The following ITPR2 variants were observed in gnomAD, a reference collection of about 807,000 sequenced individuals.
The protein encoded by ITPR2 is inositol 1,4,5-trisphosphate-gated calcium channel ITPR2.
A neutral mutation model predicts 317.1 loss-of-function variants in ITPR2; 207 were observed. The observed-to-expected ratio is 0.65, with a 90% CI of 0.58 to 0.73. The LOEUF is 0.73. Among genes scored for constraint, ITPR2 ranks in the 30% least tolerant of loss-of-function variants. The probability of loss-of-function intolerance (pLI) is 0.00; values close to 1 mark genes in which losing one functional copy is unlikely to be tolerated. For missense variants in ITPR2, 2,613 were observed against 3,284.0 expected, an observed-to-expected ratio of 0.80 and a Z score of 4.99; for synonymous variants, 1,156 against 1,149.1, an observed-to-expected ratio of 1.01 and a Z score of -0.12.
chr12:26,768,571 T>TAAAAAAAA lies in ITPR2; in HGVS notation c.163+21578_163+21585dup, dbSNP rs879291062. 1.2e-4 allele frequency among the ~76,000 whole-genome samples: 12 copies of TAAAAAAAA among 96,154 alleles called. 1 individual carries two copies. Among genetic ancestry groups the TAAAAAAAA allele is most frequent in the African/African-American group, 6.0e-4 (10 of 16,690 alleles). 63.1% of individuals were successfully genotyped at this position (96,154 alleles called of 152,430 possible). On this transcript the variant is annotated intron_variant, in intron 2 of 56. Transcript: ENST00000381340. ...TCAAATGGATGAATACAAATATATA[T>TAAAAAAAA]AAAAAAAAAAAAAAAAAAAAAAAAA... is the stretch of plus-strand genomic sequence containing the variant.
intron 54 of ITPR2, among the ~76,000 whole-genome samples, chr12:26,391,382 G>T (rs966968711): frequency 2.0e-5 from 3 of 152,058 alleles, no homozygotes; most frequent in Non-Finnish European, 4.4e-5. Flanking sequence ...AAAAGCCAGA[G>T]ATGAAGGTAC....
intron 32 of ITPR2, among the ~76,000 whole-genome samples, chr12:26,584,288 C>A (rs1373883253): frequency 6.6e-6 from 1 of 152,116 alleles, no homozygotes; most frequent in Admixed American, 6.6e-5. Flanking sequence ...AAGCAGCCAT[C>A]AACGTTTCTG....
intron 46 of ITPR2, among the ~76,000 whole-genome samples, chr12:26,440,756 AT>A (rs67063803): frequency 1.4e-5 from 2 of 147,840 alleles, no homozygotes; most frequent in South Asian, 2.2e-4. Context: ...AGTGTCAAAT[AT>A]TTTTAAAAAA....
chr12:26,624,684 T>C (rs1195030612), intron 23 of ITPR2, among the ~76,000 whole-genome samples: 2 of 151,732 alleles, frequency 1.3e-5, no homozygotes, highest in South Asian at 2.1e-4. Flanking sequence ...TAATAAATGC[T>C]GGTGAGAATT....
chr12:26,802,442 G>A (rs964571132), intron 1 of ITPR2, among the ~76,000 whole-genome samples: 2 of 151,954 alleles, frequency 1.3e-5, no homozygotes, highest in Admixed American at 6.5e-5. Flanking sequence ...GAGCTCAGGA[G>A]TTCAAGACCA....
At chr12:26,536,610 C>T (rs1007722833) in intron 37 of ITPR2, among the ~76,000 whole-genome samples, 2 of 152,194 alleles carry the variant, frequency 1.3e-5, no homozygotes, top group Non-Finnish European at 2.9e-5. Context: ...GGAGTAGCAG[C>T]AATTACTGCC....
chr12:26,593,587 A>T (rs1447515019), intron 32 of ITPR2, among the ~76,000 whole-genome samples: 2 of 152,234 alleles, frequency 1.3e-5, no homozygotes, highest in Non-Finnish European at 1.5e-5. Context: ...AAATATTTTT[A>T]AAAACCTTTT....
intron 2 of ITPR2, among the ~76,000 whole-genome samples, chr12:26,740,137 C>T (rs1325991745): frequency 6.6e-6 from 1 of 152,136 alleles, no homozygotes; most frequent in Non-Finnish European, 1.5e-5. Flanking sequence ...CTTAACACAG[C>T]ACACAATAAA....
intron 13 of ITPR2, among the ~76,000 whole-genome samples, chr12:26,673,252 T>C (rs1425780016): frequency 6.6e-6 from 1 of 152,000 alleles, no homozygotes; most frequent in Non-Finnish European, 1.5e-5. Context: ...AAAAGAGAAT[T>C]TTAGACCAAT....
intron 49 of ITPR2, among the ~76,000 whole-genome samples, chr12:26,421,001 G>A (rs1036274657): frequency 2.6e-5 from 4 of 152,010 alleles, no homozygotes; most frequent in East Asian, 1.9e-4. Flanking sequence ...AATTGGAGTC[G>A]TGAGTTTTCA....
At chr12:26,487,343 G>T in intron 39 of ITPR2, 92 bp from the exon 40 acceptor site, 1 of 863,588 alleles carries the variant, frequency 1.2e-6, no homozygotes, top group Non-Finnish European at 1.8e-6. Flanking sequence ...ATAGGCAAAA[G>T]CACACACTTA....
chr12:26,531,104 A>G (rs1943931436), intron 37 of ITPR2, among the ~76,000 whole-genome samples: 1 of 152,226 alleles, frequency 6.6e-6, no homozygotes, highest in Non-Finnish European at 1.5e-5. Context: ...TAAAAGATAG[A>G]GGTCTGGGAA....
At chr12:26,473,678 T>G (rs1339710395) in intron 45 of ITPR2, among the ~76,000 whole-genome samples, 1 of 152,262 alleles carries the variant, frequency 6.6e-6, no homozygotes, top group East Asian at 1.9e-4. Flanking sequence ...CATGTTTCTG[T>G]GTTCATTCTA....
At chr12:26,520,987 G>A (rs1370410991) in intron 37 of ITPR2, among the ~76,000 whole-genome samples, 1 of 152,112 alleles carries the variant, frequency 6.6e-6, no homozygotes, top group African/African-American at 2.4e-5. Context: ...ATTATTTCCT[G>A]AACCAAACAT....
chr12:26,375,219 G>C (rs1411915463), intron 55 of ITPR2, among the ~76,000 whole-genome samples: 2 of 152,144 alleles, frequency 1.3e-5, no homozygotes, highest in Non-Finnish European at 2.9e-5. Flanking sequence ...GTAATGACTA[G>C]AACTGGGAAA....
At chr12:26,645,644 G>GT (rs1591993051) in intron 21 of ITPR2, among the ~76,000 whole-genome samples, 3 of 152,194 alleles carry the variant, frequency 2.0e-5, no homozygotes, top group Non-Finnish European at 2.9e-5. Flanking sequence ...CAGAAATCGA[G>GT]TTTTTCAAGT....
At chr12:26,782,021 TATATATATATATGTATAG>T (rs1461480064) in intron 2 of ITPR2, among the ~76,000 whole-genome samples, 27 of 29,336 alleles carry the variant, frequency 9.2e-4, no homozygotes, top group Admixed American at 1.8e-3. Context: ...TATATATATA[TATATATATATATGTATAG>T]AGAGAGAGAG....
intron 9 of ITPR2, among the ~76,000 whole-genome samples, chr12:26,702,432 T>TTTTTTTTTTTTC (rs1948464659): frequency 1.6e-5 from 1 of 63,394 alleles, no homozygotes; most frequent in Non-Finnish European, 4.3e-5. Flanking sequence ...TTTTTTTTTC[T>TTTTTTTTTTTTC]TTTTTTTTTT....
chr12:26,374,471 A>G (rs893112484), intron 55 of ITPR2, among the ~76,000 whole-genome samples: 4 of 152,266 alleles, frequency 2.6e-5, no homozygotes, highest in Admixed American at 2.0e-4. Context: ...AACCTATAAA[A>G]GAAACACTAT....
Sources: allele counts gnomAD v4.1 joint callset (sites outside exome capture counted in the v4.1 genomes callset), GRCh38; gene constraint gnomAD v4.1.1; transcripts MANE v1.5; gene names NCBI Gene and HGNC (gene_info 2026-07-23, HGNC 2026-07-21).